Variants in DNAH2 observed in about 807,000 individuals in gnomAD.
DNAH2 encodes the protein dynein axonemal heavy chain 2, also known as axonemal beta dynein heavy chain 2.
A neutral mutation model predicts 523.5 loss-of-function variants in DNAH2; 323 were observed. The ratio of observed to expected loss-of-function variants is 0.62; its 90% CI spans 0.56 to 0.68. The LOEUF (loss-of-function observed/expected upper bound fraction) is 0.68. Among genes scored for constraint, DNAH2 ranks in the 30% least tolerant of loss-of-function variants. DNAH2 has a pLI of 0.00. For synonymous variants in DNAH2, 2,093 were observed against 2,177.4 expected (o/e 0.96, Z 1.08); for missense variants, 4,907 against 5,701.5 (o/e 0.86, Z 4.49).
At position 7,807,519 on chromosome 17, in the gene DNAH2, A is replaced by G; in HGVS notation, c.9662A>G (p.Asn3221Ser). 6.2e-7 allele frequency: 1 copy of G among 1,613,526 alleles called. No homozygotes were observed. ...GTGGAGCCCAAGCGAATCCGAATGA[A>G]CGCTGCCTTGGCTCAGCTTCGGGAG... is the stretch of plus-strand genomic sequence containing the variant. Reference protein sequence around the residue: ...RVVEPKRIRMNAALAQLREKQ... With the variant: ...RVVEPKRIRMSAALAQLREKQ... Residue 3221 changes from asparagine (N) to serine (S), a missense_variant, in exon 63 of 86, where the codon AAC becomes AGC. Physicochemically the swap from Asn to Ser is conservative, Grantham distance 46 (BLOSUM62 1). Coordinates refer to ENST00000572933, the MANE Select transcript of DNAH2 (RefSeq NM_020877.5). This position sits in a 1 kb window ranked among gnomAD's most constrained non-coding sequence, Gnocchi z 5.6.
chr17:7,817,612 C>A lies in DNAH2; in HGVS notation c.10072C>A (p.Leu3358Met), dbSNP rs746137370. 2 of 1,614,050 alleles carry A rather than the reference C, an allele frequency of 1.2e-6. No individual in the cohort carries two copies. The highest frequency in any genetic ancestry group is 2.7e-5 in the African/African-American group (2 of 74,922). Reference protein sequence around the residue: ...CSPSFAIDNFLCNPTKVRDWN... With the variant: ...CSPSFAIDNFMCNPTKVRDWN... ...CCCTTCTTTCGCCATCGATAACTTC[C>A]TGTGCAATCCTACCAAAGTCCGGGA... is the stretch of plus-strand genomic sequence containing the variant. Residue 3358 changes from leucine (L) to methionine (M), a missense_variant, in exon 66 of 86, where the codon CTG becomes ATG. Physicochemically the swap from Leu to Met is conservative, Grantham distance 15. Around this residue, in one of 3 missense-constraint regions of DNAH2, gnomAD observed 1,851 missense variants for 2,139.4 expected, o/e 0.87. Transcript: ENST00000572933.
At chr17:7,802,829 A>ATTTTTT (rs34264918) in intron 58 of DNAH2, among the ~76,000 whole-genome samples, 1 of 140,774 alleles carries the variant, frequency 7.1e-6, no homozygotes. Context: ...ATGCCCAGCT[A>ATTTTTT]TTTTTTTTTT....
chr17:7,771,242 C>T (rs2151222255), intron 27 of DNAH2, 88 bp from the exon 28 acceptor site: 1 of 1,568,802 alleles, frequency 6.4e-7, no homozygotes, highest in Non-Finnish European at 8.7e-7. Context: ...ATCTTCTACC[C>T]AACTGTCACC....
Position 7,821,493 on chromosome 17 carries a change from C to A in DNAH2, c.11142+124C>A, listed in dbSNP as rs1651250061. 1 of 1,356,858 alleles carries A rather than the reference C, an allele frequency of 7.4e-7. No individual in the cohort carries two copies. The highest frequency in any genetic ancestry group is 9.8e-7 in the Non-Finnish European group (1 of 1,019,302). The allele number at this position is 1,356,858 out of a possible 1,614,324, so 84.1% of individuals were successfully genotyped here. ...GCATCAGTGAGTGAGCTGAGAAAAT[C>A]CAGGCCAGCATCAGGTGCATGGTGA... On this transcript the variant is annotated intron_variant, in intron 73 of 85. Coordinates refer to ENST00000572933, the MANE Select transcript of DNAH2 (RefSeq NM_020877.5). The surrounding 1 kb of genome is among the most constrained non-coding windows in gnomAD (Gnocchi z 5.0).
intron 3 of DNAH2, among the ~76,000 whole-genome samples, chr17:7,726,740 T>G (rs1351387646): frequency 6.6e-6 from 1 of 152,164 alleles, no homozygotes; most frequent in African/African-American, 2.4e-5. Context: ...CTTTTCCAGC[T>G]TGTGGTCTCC....
chr17:7,813,269 G>C (rs930150596), intron 63 of DNAH2, among the ~76,000 whole-genome samples: 6 of 150,292 alleles, frequency 4.0e-5, no homozygotes, highest in South Asian at 2.1e-4. Context: ...TTTTTTTGGT[G>C]GGGGGCATAG....
At chr17:7,733,671 G>T (rs1031069545) in intron 5 of DNAH2, among the ~76,000 whole-genome samples, 5 of 151,852 alleles carry the variant, frequency 3.3e-5, no homozygotes, top group African/African-American at 9.7e-5. Flanking sequence ...TAGAGATGGG[G>T]TTTCACCATG....
At position 7,745,080 on chromosome 17, in the gene DNAH2, C is replaced by T. The variant is rs1045718720; in HGVS notation, c.1904+1938C>T. Among the ~76,000 whole-genome samples the T allele has an allele frequency of 7.2e-5, 11 of 152,052 alleles. No homozygotes were observed. In the East Asian group the frequency reaches 9.7e-4, roughly 13 times the overall value. On this transcript the variant is annotated intron_variant, in intron 12 of 85. Transcript: ENST00000572933. Reference sequence around the variant, plus strand: ...CGCAATCTTGGCTCACTGCAACCTCCGCCTCCTGAGTTCAAGCAATTCTCC... The same window carrying T: ...CGCAATCTTGGCTCACTGCAACCTCTGCCTCCTGAGTTCAAGCAATTCTCC...
At chr17:7,787,500 C>G in intron 42 of DNAH2, 1 of 244,160 alleles carries the variant, frequency 4.1e-6, no homozygotes, top group South Asian at 6.7e-5. Context: ...TTTGGGAGGC[C>G]AAGGTGGGCA....
rs747895553 is a variant in DNAH2 at position 7,794,361 on chromosome 17, G to A, written c.7674+3G>A. On this transcript the variant is annotated splice_donor_region_variant and intron_variant, in intron 49 of 85. Coordinates refer to ENST00000572933, the MANE Select transcript of DNAH2 (RefSeq NM_020877.5). Reference sequence around the variant, plus strand: ...TTATCAACATGACCTTCCCCACAGTGAGGACCTCATGGGGGCTGCAGGACG... The same window carrying A: ...TTATCAACATGACCTTCCCCACAGTAAGGACCTCATGGGGGCTGCAGGACG... The A allele has an allele frequency of 1.2e-6, 2 of 1,606,052 alleles. No homozygotes were observed. Among genetic ancestry groups the A allele is most frequent in the Non-Finnish European group, 1.7e-6 (2 of 1,176,290 alleles).
Position 7,757,180 on chromosome 17 carries a change from C to T in DNAH2, c.1994C>T (p.Ala665Val). 2 of 1,614,178 alleles carry T rather than the reference C, an allele frequency of 1.2e-6. No homozygotes were observed. The highest frequency in any genetic ancestry group is 1.7e-6 in the Non-Finnish European group (2 of 1,180,032). The change falls in exon 13 of 86, where the codon GCC (alanine) becomes GTC (valine). Residue 665 changes from alanine (A) to valine (V), a missense_variant. Ala to Val is a moderately conservative substitution (Grantham distance 64). Transcript: ENST00000572933. ...TACGTGGTGAACGTAGCTGAGCGAG[C>T]CGAGGACCTGCGCATTCTGCGTGAA... is the stretch of plus-strand genomic sequence containing the variant. ...PHYVVNVAERAEDLRILRENL... is the reference protein window; with the variant it reads ...PHYVVNVAERVEDLRILRENL...
intron 12 of DNAH2, among the ~76,000 whole-genome samples, chr17:7,748,390 C>T (rs1005418339): frequency 1.3e-5 from 2 of 152,198 alleles, no homozygotes; most frequent in Admixed American, 1.3e-4. Flanking sequence ...GCTCTGGGCT[C>T]TAACCACTCA....
In DNAH2 at chr17:7,759,941, G is replaced by A. The variant is rs2075958474; in HGVS notation, c.2785+3G>A. 3.1e-6 allele frequency: 5 copies of A among 1,614,204 alleles called. No homozygotes were observed. The African/African-American group carries it at 4.0e-5, about 13-fold the overall frequency. ...TGAACCCATCCAAACAGTTGTGGGT[G>A]AGTGGGCAACGGGGAGGGCACAAGG... On this transcript the variant is annotated splice_donor_region_variant and intron_variant, in intron 17 of 85. Coordinates refer to ENST00000572933, the MANE Select transcript of DNAH2 (RefSeq NM_020877.5).
chr17:7,772,431 CA>C (rs2076342891), intron 28 of DNAH2, among the ~76,000 whole-genome samples: 1 of 152,010 alleles, frequency 6.6e-6, no homozygotes, highest in Admixed American at 6.6e-5. Flanking sequence ...TAAGCAAAGC[CA>C]AAAAAACAAT....
chr17:7,824,999 G>A (rs1435590210), intron 77 of DNAH2, among the ~76,000 whole-genome samples: 2 of 152,166 alleles, frequency 1.3e-5, no homozygotes, highest in African/African-American at 4.8e-5. Flanking sequence ...ACCCTATAAG[G>A]TGAATACTGT....
At chr17:7,752,566 G>C (rs981038931) in intron 12 of DNAH2, among the ~76,000 whole-genome samples, 1 of 151,846 alleles carries the variant, frequency 6.6e-6, no homozygotes, top group African/African-American at 2.4e-5. Flanking sequence ...AAAAATTAGC[G>C]GGGCGTGGTG....
intron 63 of DNAH2, among the ~76,000 whole-genome samples, chr17:7,816,269 C>G (rs916714739): frequency 6.7e-6 from 1 of 149,216 alleles, no homozygotes; most frequent in Non-Finnish European, 1.5e-5. Flanking sequence ...TATTATGCTT[C>G]AAGAGGTCTC....
At chr17:7,758,760 T>C (rs1162460996) in intron 14 of DNAH2, 109 bp downstream of exon 14, 2 of 1,557,176 alleles carry the variant, frequency 1.3e-6, no homozygotes, top group African/African-American at 2.7e-5. Context: ...AAGAATTAAG[T>C]TTGCTTGGGG....
rs1491465015 is a variant in DNAH2, at chr17:7,760,377, CAG to C, written c.2786-362_2786-361del. On this transcript the variant is annotated intron_variant, in intron 17 of 85. Coordinates refer to ENST00000572933, the MANE Select transcript of DNAH2 (RefSeq NM_020877.5). This position sits in a 1 kb window ranked among gnomAD's most constrained non-coding sequence, Gnocchi z 4.0. ...CTCCATCTAAAAAAAAAAACAAAAA[CAG>C]GGGGGCCAGACTGGGGAAGGGAGCA... 5.4e-5 allele frequency among the ~76,000 whole-genome samples: 8 copies of C among 148,328 alleles called. No homozygotes were observed. Among genetic ancestry groups the C allele is most frequent in the Non-Finnish European group, 1.2e-4 (8 of 67,162 alleles).
Sources: gnomAD v4.1 joint callset for allele counts (sites outside exome capture counted in the v4.1 genomes callset) on GRCh38, gnomAD v4.1.1 for gene constraint, gnomAD v4.1.1 regional missense constraint, Gnocchi (gnomAD v3.1) non-coding constraint, MANE v1.5 for transcripts, NCBI Gene and HGNC (gene_info 2026-07-23, HGNC 2026-07-21) for gene names.